SSH2: variants seen among roughly 807,000 people sequenced by gnomAD.
The protein encoded by SSH2 is slingshot protein phosphatase 2, also known as protein phosphatase Slingshot homolog 2.
In SSH2, 37 loss-of-function variants were observed where a neutral mutation model predicts 135.2. The ratio of observed to expected loss-of-function variants is 0.27; its 90% CI spans 0.21 to 0.36. SSH2 has a LOEUF of 0.36. Among genes scored for constraint, SSH2 ranks in the 10% least tolerant of loss-of-function variants. The pLI, the probability that SSH2 is intolerant of heterozygous loss-of-function variation, is 1.00. For synonymous variants in SSH2, 628 were observed against 646.2 expected (o/e 0.97, Z 0.43); for missense variants, 1,408 against 1,765.3 (o/e 0.80, Z 3.63).
chr17:29,756,342 C>T (rs868417525), intron 3 of SSH2, among the ~76,000 whole-genome samples: 8 of 151,794 alleles, frequency 5.3e-5, no homozygotes, highest in African/African-American at 4.8e-5. Flanking sequence ...ACGATCATAG[C>T]TCACTGTAAC....
chr17:29,831,512 A>G (rs2042843321), intron 2 of SSH2, among the ~76,000 whole-genome samples: 1 of 152,128 alleles, frequency 6.6e-6, no homozygotes, highest in African/African-American at 2.4e-5. Context: ...TTTTCACTGT[A>G]AGATACCAAT....
At chr17:29,897,090 G>T (rs1198136495) in intron 1 of SSH2, among the ~76,000 whole-genome samples, 1 of 151,752 alleles carries the variant, frequency 6.6e-6, no homozygotes, top group African/African-American at 2.4e-5. Context: ...AGTTACAAAA[G>T]AATTAGAACA....
At chr17:29,746,166 TC>T (rs2040752546) in intron 3 of SSH2, among the ~76,000 whole-genome samples, 1 of 152,264 alleles carries the variant, frequency 6.6e-6, no homozygotes, top group East Asian at 1.9e-4. Flanking sequence ...TCCATTTATT[TC>T]ACTCATCTCT....
chr17:29,875,983 C>CAAA (rs547629204), intron 1 of SSH2, among the ~76,000 whole-genome samples: 3 of 71,710 alleles, frequency 4.2e-5, no homozygotes, highest in Admixed American at 1.6e-4. Context: ...AAGAGGACAC[C>CAAA]AAAAAAAAAA....
Position 29,666,960 on chromosome 17 carries a change from G to A in SSH2, c.939C>T (p.Asn313=). Reference sequence around the variant, plus strand: ...CTATAAATTCCTTGAATTCCCGCAAGTTGCACACCATTTGCATTTCCAACT... The same window carrying A: ...CTATAAATTCCTTGAATTCCCGCAAATTGCACACCATTTGCATTTCCAACT... ...RTELEMQMVC[N]LREFKEFIDN... Residue 313 remains asparagine (N), a synonymous_variant, in exon 11 of 16, where the codon AAC becomes AAT. Transcript: ENST00000540801. 6.2e-7 allele frequency: 1 copy of A among 1,613,996 alleles called. No individual in the cohort carries two copies. The highest frequency in any genetic ancestry group is 8.5e-7 in the Non-Finnish European group (1 of 1,179,944).
At chr17:29,887,117 T>G (rs563616270) in intron 1 of SSH2, among the ~76,000 whole-genome samples, 1 of 152,324 alleles carries the variant, frequency 6.6e-6, no homozygotes, top group Non-Finnish European at 1.5e-5. Flanking sequence ...TCATGCAGCT[T>G]ATACTACTTT....
Position 29,628,400 on chromosome 17 carries a change from G to T in SSH2, c.*2441C>A, listed in dbSNP as rs2035559988. 1 of 152,166 alleles carries T rather than the reference G, an allele frequency of 6.6e-6. No homozygotes were observed. Among genetic ancestry groups the T allele is most frequent in the South Asian group, 2.1e-4 (1 of 4,830 alleles). The allele number at this position is 152,166 out of a possible 1,614,324, so 9.4% of individuals were successfully genotyped here. A position where few individuals can be genotyped will look rare whatever the true frequency, so the allele number is the denominator to read the frequency against. On this transcript the variant is annotated 3_prime_UTR_variant, in exon 16 of 16. Coordinates refer to ENST00000540801, the MANE Select transcript of SSH2 (RefSeq NM_001282129.2). ...ATGCAGTGAGTGAACATTAAACACAGTGGAGGGGAGAAGAGGGAACAGTCC... is the reference window on the plus strand; with the variant it reads ...ATGCAGTGAGTGAACATTAAACACATTGGAGGGGAGAAGAGGGAACAGTCC...
At chr17:29,787,251 A>G (rs989858374) in intron 3 of SSH2, among the ~76,000 whole-genome samples, 1 of 152,192 alleles carries the variant, frequency 6.6e-6, no homozygotes, top group Non-Finnish European at 1.5e-5. Flanking sequence ...TGATTGGCTT[A>G]TTTCACTTAG....
At chr17:29,641,841 GCGCCTGTA>G (rs968009417) in intron 14 of SSH2, 4 of 151,914 alleles carry the variant, frequency 2.6e-5, no homozygotes, top group Non-Finnish European at 4.4e-5. Context: ...TGGAGTACTT[GCGCCTGTA>G]ATCTAGCTAC....
intron 15 of SSH2, among the ~76,000 whole-genome samples, chr17:29,634,442 G>T (rs1385223264): frequency 6.6e-6 from 1 of 152,210 alleles, no homozygotes; most frequent in Non-Finnish European, 1.5e-5. Context: ...GAATTGATGC[G>T]ATATAGTGAT....
chr17:29,702,922 G>A, intron 4 of SSH2, 37 bp downstream of exon 4: 2 of 1,447,842 alleles, frequency 1.4e-6, no homozygotes, highest in Non-Finnish European at 1.9e-6. Context: ...AAAAGATATA[G>A]TTACCAAGAA....
At chr17:29,897,228 G>A (rs1020958897) in intron 1 of SSH2, among the ~76,000 whole-genome samples, 11 of 151,924 alleles carry the variant, frequency 7.2e-5, no homozygotes, top group Non-Finnish European at 1.3e-4. Flanking sequence ...ATCAACTAAC[G>A]AGCAAAATAA....
At chr17:29,724,880 G>A (rs955784237) in intron 3 of SSH2, among the ~76,000 whole-genome samples, 20 of 151,420 alleles carry the variant, frequency 1.3e-4, no homozygotes, top group Non-Finnish European at 2.1e-4. Context: ...GTGAACCACC[G>A]TGCCTGGCCG....
intron 3 of SSH2, among the ~76,000 whole-genome samples, chr17:29,734,942 T>C (rs2040316534): frequency 6.6e-6 from 1 of 152,026 alleles, no homozygotes; most frequent in Admixed American, 6.6e-5. Flanking sequence ...ATCTCAGTGG[T>C]TAAGTTCAAA....
At chr17:29,814,738 T>G (rs1299253049) in intron 2 of SSH2, among the ~76,000 whole-genome samples, 1 of 151,980 alleles carries the variant, frequency 6.6e-6, no homozygotes, top group Non-Finnish European at 1.5e-5. Context: ...TGCCTAAGTA[T>G]TATATATTTA....
chr17:29,906,562 CAG>C (rs1303172676), intron 1 of SSH2, among the ~76,000 whole-genome samples: 3 of 152,152 alleles, frequency 2.0e-5, no homozygotes, highest in African/African-American at 7.2e-5. Context: ...AAACTATAAT[CAG>C]AGCAAACAGA....
At chr17:29,726,490 G>C (rs928501088) in intron 3 of SSH2, among the ~76,000 whole-genome samples, 7 of 152,182 alleles carry the variant, frequency 4.6e-5, no homozygotes, top group Non-Finnish European at 7.3e-5. Context: ...GATTGGAAGA[G>C]GGGTGAAACT....
intron 3 of SSH2, among the ~76,000 whole-genome samples, chr17:29,743,900 T>C (rs1185712940): frequency 7.5e-6 from 1 of 133,952 alleles, no homozygotes; most frequent in Non-Finnish European, 1.5e-5. Flanking sequence ...TTCTTTTTTC[T>C]TTTTTCCTTT....
chr17:29,713,050 T>C (rs1053737039), intron 3 of SSH2, among the ~76,000 whole-genome samples: 9 of 152,222 alleles, frequency 5.9e-5, no homozygotes, highest in African/African-American at 2.2e-4. Flanking sequence ...ACACTGCCAG[T>C]TGAGGCTGGG....
Sources: gnomAD v4.1 joint callset for allele counts (sites outside exome capture counted in the v4.1 genomes callset) on GRCh38, gnomAD v4.1.1 for gene constraint, MANE v1.5 for transcripts, NCBI Gene and HGNC (gene_info 2026-07-23, HGNC 2026-07-21) for gene names.